NTM: variants seen among roughly 807,000 people sequenced by gnomAD.
NTM encodes the protein IgLON family member 2.
NTM carries 13 observed loss-of-function variants against 42.1 expected under a neutral mutation model. That is an observed-to-expected ratio of 0.31 (90% CI 0.20 to 0.49). The LOEUF is 0.49. Ranked by LOEUF, NTM falls within the 20% of genes least tolerant of loss-of-function variation. The pLI is 0.99. For synonymous variants in NTM, 187 were observed against 179.2 expected, an observed-to-expected ratio of 1.04 and a Z score of -0.35; for missense variants, 373 against 452.8, an observed-to-expected ratio of 0.82 and a Z score of 1.60.
At chr11:131,840,923 G>A (rs1419765084) in intron 1 of NTM, among the ~76,000 whole-genome samples, 1 of 152,200 alleles carries the variant, frequency 6.6e-6, no homozygotes, top group Non-Finnish European at 1.5e-5. Flanking sequence ...GACAGAAGGT[G>A]TGAAATGAAA....
chr11:131,734,960 A>C (rs374682021), intron 1 of NTM, among the ~76,000 whole-genome samples: 15 of 152,184 alleles, frequency 9.9e-5, no homozygotes, highest in African/African-American at 3.6e-4. Context: ...CAAGGGGCTA[A>C]CTTCACAGTG....
At chr11:131,891,185 C>A (rs922658582) in intron 1 of NTM, among the ~76,000 whole-genome samples, 3 of 152,178 alleles carry the variant, frequency 2.0e-5, no homozygotes, top group Non-Finnish European at 4.4e-5. Context: ...TGACACCCAA[C>A]TATATCAGAA....
chr11:131,727,325 G>A (rs1330998280), intron 1 of NTM, among the ~76,000 whole-genome samples: 2 of 152,106 alleles, frequency 1.3e-5, no homozygotes, highest in Non-Finnish European at 2.9e-5. Flanking sequence ...CTTAAAAGTG[G>A]GGGACAAAAG....
chr11:131,403,651 T>C (rs1230079287), intron 1 of NTM, among the ~76,000 whole-genome samples: 1 of 152,176 alleles, frequency 6.6e-6, no homozygotes, highest in Non-Finnish European at 1.5e-5. Flanking sequence ...GGAGGTTTGC[T>C]TTTCTTTCTT....
chr11:131,498,597 C>T (rs998608642), intron 1 of NTM, among the ~76,000 whole-genome samples: 1 of 152,092 alleles, frequency 6.6e-6, no homozygotes, highest in African/African-American at 2.4e-5. Context: ...TCTGCTCTTT[C>T]CCTCTGATCT....
intron 1 of NTM, among the ~76,000 whole-genome samples, chr11:131,566,408 TGTGTGTGTGTGTGTCTCGATGTGC>T (rs1025991453): frequency 5.6e-5 from 8 of 144,138 alleles, no homozygotes; most frequent in East Asian, 2.1e-4. Context: ...CACTGGTGCA[TGTGTGTGTGTGTGTCTCGATGTGC>T]GTGTGTGTGT....
intron 2 of NTM, among the ~76,000 whole-genome samples, chr11:132,034,917 TA>T (rs1174736961): frequency 6.6e-6 from 1 of 152,210 alleles, no homozygotes; most frequent in Non-Finnish European, 1.5e-5. Flanking sequence ...TACAAGCACA[TA>T]AACTCCAGAG....
intron 1 of NTM, among the ~76,000 whole-genome samples, chr11:131,500,529 T>G (rs754161374): frequency 6.9e-6 from 1 of 144,952 alleles, no homozygotes; most frequent in Non-Finnish European, 1.5e-5. Flanking sequence ...CTTCAGACCC[T>G]ATAGTTATTT....
chr11:131,622,764 C>T (rs530504334), intron 1 of NTM, among the ~76,000 whole-genome samples: 1 of 152,296 alleles, frequency 6.6e-6, no homozygotes, highest in Non-Finnish European at 1.5e-5. Context: ...GTTCCCCTCC[C>T]TGACAAGAGC....
At chr11:131,974,956 C>A (rs559014379) in intron 2 of NTM, among the ~76,000 whole-genome samples, 1 of 152,092 alleles carries the variant, frequency 6.6e-6, no homozygotes, top group Non-Finnish European at 1.5e-5. Flanking sequence ...TGTCCTTCTG[C>A]GAGCCTCCAC....
At chr11:131,513,176 G>T (rs534568678) in intron 1 of NTM, among the ~76,000 whole-genome samples, 1 of 152,190 alleles carries the variant, frequency 6.6e-6, no homozygotes, top group Non-Finnish European at 1.5e-5. Flanking sequence ...GTGGCTGAAG[G>T]CCTGAACCCA....
At chr11:131,610,899 G>A (rs1159141348) in intron 1 of NTM, among the ~76,000 whole-genome samples, 1 of 152,194 alleles carries the variant, frequency 6.6e-6, no homozygotes, top group Non-Finnish European at 1.5e-5. Context: ...GGATTTTAGA[G>A]CAGAAGAGTG....
intron 4 of NTM, among the ~76,000 whole-genome samples, chr11:132,249,091 G>A: frequency 6.6e-6 from 1 of 152,170 alleles, no homozygotes; most frequent in South Asian, 2.1e-4. Context: ...GACTGCACCT[G>A]TACCTCTGAA....
At chr11:131,619,762 C>A (rs2062331248) in intron 1 of NTM, among the ~76,000 whole-genome samples, 1 of 151,510 alleles carries the variant, frequency 6.6e-6, no homozygotes, top group East Asian at 1.9e-4. Context: ...AGATAAGTCA[C>A]CCAGTAAAAT....
intron 1 of NTM, among the ~76,000 whole-genome samples, chr11:131,738,753 C>T (rs575199446): frequency 6.9e-6 from 1 of 143,948 alleles, no homozygotes; most frequent in Admixed American, 6.9e-5. Flanking sequence ...GTGATTTTGA[C>T]ATCTACAAGG....
chr11:131,442,000 G>C (rs1170643532), intron 1 of NTM, among the ~76,000 whole-genome samples: 1 of 152,188 alleles, frequency 6.6e-6, no homozygotes, highest in Admixed American at 6.5e-5. Context: ...TGATTGATTA[G>C]ATGCACCACT....
intron 2 of NTM, among the ~76,000 whole-genome samples, chr11:131,969,054 A>G (rs2063203758): frequency 6.6e-6 from 1 of 152,204 alleles, no homozygotes; most frequent in South Asian, 2.1e-4. Context: ...TTAGTGTGCA[A>G]TTCAAGATTA....
chr11:131,937,824 A>G (rs2059385049), intron 2 of NTM, among the ~76,000 whole-genome samples: 1 of 152,186 alleles, frequency 6.6e-6, no homozygotes, highest in African/African-American at 2.4e-5. Flanking sequence ...GATTAATGTT[A>G]TTTTGTAGGG....
chr11:131,394,660 G>A (rs193008682), intron 1 of NTM, among the ~76,000 whole-genome samples: 130 of 152,232 alleles, frequency 8.5e-4, no homozygotes, highest in Admixed American at 2.5e-3. Flanking sequence ...CAGGACCAAC[G>A]AAGGCTATCT....
Sources: allele counts gnomAD v4.1 joint callset (sites outside exome capture counted in the v4.1 genomes callset), GRCh38; gene constraint gnomAD v4.1.1; transcripts MANE v1.5; gene names NCBI Gene and HGNC (gene_info 2026-07-23, HGNC 2026-07-21).